Variants in MYCBP2 observed in about 807,000 individuals in gnomAD.
MYCBP2 encodes the protein E3 ubiquitin-protein ligase MYCBP2.
MYCBP2 carries 120 observed loss-of-function variants against 525.3 expected under a neutral mutation model. The observed-to-expected ratio is 0.23, with a 90% CI of 0.20 to 0.27. The LOEUF (loss-of-function observed/expected upper bound fraction) is 0.27, where lower values mean the gene tolerates loss of function less well. Among genes scored for constraint, MYCBP2 ranks in the 10% least tolerant of loss-of-function variants. MYCBP2 has a pLI of 1.00. For synonymous variants in MYCBP2, 1,894 were observed against 1,955.8 expected (o/e 0.97, Z 0.83); for missense variants, 4,149 against 5,657.1 (o/e 0.73, Z 8.55).
At position 77,139,261 on chromosome 13, in the gene MYCBP2, A is replaced by G; in HGVS notation, c.7594T>C (p.Tyr2532His). 1 of 1,613,958 alleles carries G rather than the reference A, an allele frequency of 6.2e-7. No homozygotes were observed. The highest frequency in any genetic ancestry group is 8.5e-7 in the Non-Finnish European group (1 of 1,179,850). ...AAAGAGAGGCACCAGGCTTCAGTGT[A>G]ACCATTCATGTTAGGGACATACTTC... is the stretch of plus-strand genomic sequence containing the variant. ...IKKYVPNMNG[Y>H]TEAWCLSFNQ... The change falls in exon 52 of 83, where the codon TAC becomes CAC. Residue 2532 changes from tyrosine to histidine, a missense_variant. By Grantham distance (83) the Tyr-to-His change is moderately conservative (BLOSUM62 2). This residue lies in a region of MYCBP2 where 692 missense variants were observed against 852.7 expected (regional missense o/e 0.81). Transcript: ENST00000544440.
At chr13:77,091,398 A>C (rs1428882973) in intron 59 of MYCBP2, among the ~76,000 whole-genome samples, 3 of 152,084 alleles carry the variant, frequency 2.0e-5, no homozygotes, top group African/African-American at 4.8e-5. Flanking sequence ...ACTTAAAAAA[A>C]ATTACACAAA....
chr13:77,325,414 C>T (rs2154385293), intron 1 of MYCBP2, among the ~76,000 whole-genome samples: 1 of 152,258 alleles, frequency 6.6e-6, no homozygotes, highest in Admixed American at 6.5e-5. Flanking sequence ...TGAAACAAGT[C>T]AGTCACCAAC....
At chr13:77,198,149 C>T (rs2061965175) in intron 26 of MYCBP2, among the ~76,000 whole-genome samples, 1 of 152,132 alleles carries the variant, frequency 6.6e-6, no homozygotes, top group Non-Finnish European at 1.5e-5. Context: ...CTAAAATAAC[C>T]ATTTTAAAGC....
At chr13:77,085,847 AG>A in intron 62 of MYCBP2, among the ~76,000 whole-genome samples, 1 of 152,194 alleles carries the variant, frequency 6.6e-6, no homozygotes, top group Non-Finnish European at 1.5e-5. Flanking sequence ...GCCAACCCAC[AG>A]ACTGTCAGCA....
rs558935826 is a variant in MYCBP2, at chr13:77,213,606, C to G, written c.3058-1446G>C. 2.6e-4 allele frequency among the ~76,000 whole-genome samples: 39 copies of G among 152,238 alleles called. No homozygotes were observed. In the South Asian group the frequency reaches 8.1e-3, roughly 32 times the overall value. On this transcript the variant is annotated intron_variant, in intron 21 of 82. Transcript: ENST00000544440. ...GAAATAAATATGTATTCCCTTACTA[C>G]CAACTAATATGAAGAAAAGCAGTCC...
intron 62 of MYCBP2, among the ~76,000 whole-genome samples, chr13:77,086,827 C>T (rs1397471734): frequency 6.6e-6 from 1 of 151,996 alleles, no homozygotes; most frequent in Non-Finnish European, 1.5e-5. Context: ...CACTGACATG[C>T]TATAAAATCT....
intron 65 of MYCBP2, among the ~76,000 whole-genome samples, chr13:77,079,179 A>G (rs1279689794): frequency 6.6e-6 from 1 of 152,148 alleles, no homozygotes; most frequent in Non-Finnish European, 1.5e-5. Context: ...TTCCTCATGA[A>G]GCCTTTCAAC....
chr13:77,191,752 C>G lies in MYCBP2; in HGVS notation c.3997G>C (p.Ala1333Pro). ...VLLQAGWWYV[A>P]WARVSGPSSD... ...CTGGGTCCTGACACTCGGGCCCATG[C>G]CACATACCACCACCCAGCTTGCAGG... Residue 1333 changes from alanine to proline, a missense_variant, in exon 28 of 83, where the codon GCA (alanine) becomes CCA (proline). Physicochemically the swap from Ala to Pro is conservative, Grantham distance 27 (BLOSUM62 -1). Transcript: ENST00000544440. 6.2e-7 allele frequency: 1 copy of G among 1,614,074 alleles called. No homozygotes were observed. Among genetic ancestry groups the G allele is most frequent in the Non-Finnish European group, 8.5e-7 (1 of 1,179,982 alleles).
At chr13:77,307,332 G>A (rs977252146) in intron 1 of MYCBP2, among the ~76,000 whole-genome samples, 2 of 151,700 alleles carry the variant, frequency 1.3e-5, no homozygotes, top group Non-Finnish European at 2.9e-5. Context: ...TCTAACCTTA[G>A]AGGCCTACTG....
intron 26 of MYCBP2, among the ~76,000 whole-genome samples, chr13:77,204,382 A>C (rs1401305877): frequency 7.0e-6 from 1 of 143,650 alleles, no homozygotes; most frequent in Admixed American, 6.9e-5. Context: ...GGCAATCATT[A>C]AAAAGTCAGG....
In MYCBP2 at chr13:77,059,706, AACTAGGTTTGTATAAGTTGCT is replaced by A; in HGVS notation, c.13037-101_13037-81del. 3.0e-6 allele frequency: 3 copies of A among 998,414 alleles called. No individual in the cohort carries two copies. The South Asian group carries it at 4.0e-5, about 13-fold the overall frequency. 61.8% of individuals were successfully genotyped at this position (998,414 alleles called of 1,614,324 possible). Reference sequence around the variant, plus strand: ...TAACAGAACTAAATTTTAAAAAGCAAACTAGGTTTGTATAAGTTGCTATCCTTGGGAAATCAGCCTGACAGT... The same window carrying A: ...TAACAGAACTAAATTTTAAAAAGCAAATCCTTGGGAAATCAGCCTGACAGT... On this transcript the variant is annotated intron_variant, in intron 76 of 82. Transcript: ENST00000544440.
chr13:77,139,264 C>T lies in MYCBP2; in HGVS notation c.7591G>A (p.Gly2531Ser). ...TIKKYVPNMNGYTEAWCLSFN... is the reference protein window; with the variant it reads ...TIKKYVPNMNSYTEAWCLSFN... ...GAGAGGCACCAGGCTTCAGTGTAAC[C>T]ATTCATGTTAGGGACATACTTCTTT... The change falls in exon 52 of 83, where the codon GGT (glycine) becomes AGT (serine). Residue 2531 changes from glycine (G) to serine (S), a missense_variant. Physicochemically the swap from Gly to Ser is moderately conservative, Grantham distance 56. Coordinates refer to ENST00000544440, the MANE Select transcript of MYCBP2 (RefSeq NM_015057.5). 1 of 1,613,874 alleles carries T rather than the reference C, an allele frequency of 6.2e-7. No homozygotes were observed. Among genetic ancestry groups the T allele is most frequent in the South Asian group, 1.1e-5 (1 of 91,042 alleles).
Position 77,181,781 on chromosome 13 carries a change from T to C in MYCBP2, c.4861A>G (p.Lys1621Glu). The change falls in exon 33 of 83, where the codon AAA becomes GAA. Residue 1621 changes from lysine (K) to glutamate (E), a missense_variant. Transcript: ENST00000544440. ...DGEVLLRSIV[K>E]QVSTENDSTL... ...GAGTCGTTCTCTGTACTAACTTGTT[T>C]AACAATTGATCGTAGTAATACTTCT... 6.2e-7 allele frequency: 1 copy of C among 1,614,148 alleles called. No homozygotes were observed. The highest frequency in any genetic ancestry group is 8.5e-7 in the Non-Finnish European group (1 of 1,179,996).
At chr13:77,264,505 A>T (rs1431896590) in intron 8 of MYCBP2, among the ~76,000 whole-genome samples, 1 of 152,142 alleles carries the variant, frequency 6.6e-6, no homozygotes, top group Non-Finnish European at 1.5e-5. Context: ...CCACTTAAAA[A>T]TTCAATGTTT....
At position 77,326,224 on chromosome 13, in the gene MYCBP2, C is replaced by T. The variant is rs1444690393; in HGVS notation, c.302+250G>A. Reference sequence around the variant, plus strand: ...TTCCCCTACCACCCCTCACTATCCCCCCACATAGGCAGGCAGACACACACA... The same window carrying T: ...TTCCCCTACCACCCCTCACTATCCCTCCACATAGGCAGGCAGACACACACA... On this transcript the variant is annotated intron_variant, in intron 1 of 82. Coordinates refer to ENST00000544440, the MANE Select transcript of MYCBP2 (RefSeq NM_015057.5). This position sits in a 1 kb window ranked among gnomAD's most constrained non-coding sequence, Gnocchi z 4.2. Among the ~76,000 whole-genome samples the T allele has an allele frequency of 3.4e-5, 5 of 148,870 alleles. No homozygotes were observed. Among genetic ancestry groups the T allele is most frequent in the Admixed American group, 1.4e-4 (2 of 14,792 alleles).
intron 18 of MYCBP2, among the ~76,000 whole-genome samples, chr13:77,232,222 A>C (rs1025291862): frequency 4.6e-5 from 7 of 152,166 alleles, no homozygotes; most frequent in Non-Finnish European, 1.0e-4. Flanking sequence ...CAGCAAAAAA[A>C]AGAAAAGGAT....
intron 1 of MYCBP2, among the ~76,000 whole-genome samples, chr13:77,306,986 T>A (rs773251955): frequency 6.6e-5 from 10 of 151,628 alleles, no homozygotes; most frequent in Non-Finnish European, 1.3e-4. Context: ...TGAAAAAAAA[T>A]CAAACTAGAC....
chr13:77,199,029 G>A (rs1273921540), intron 26 of MYCBP2, among the ~76,000 whole-genome samples: 3 of 152,084 alleles, frequency 2.0e-5, no homozygotes, highest in Non-Finnish European at 4.4e-5. Flanking sequence ...TACTGTAGGG[G>A]GGGAGGAGGC....
At chr13:77,148,445 T>A (rs1039241855) in intron 47 of MYCBP2, among the ~76,000 whole-genome samples, 7 of 152,074 alleles carry the variant, frequency 4.6e-5, no homozygotes, top group African/African-American at 1.7e-4. Context: ...AATGGCCTGT[T>A]CAGTTTTTTA....
Sources: allele counts gnomAD v4.1 joint callset (sites outside exome capture counted in the v4.1 genomes callset), GRCh38; gene constraint gnomAD v4.1.1; regional missense constraint gnomAD v4.1.1; non-coding constraint Gnocchi (gnomAD v3.1); transcripts MANE v1.5; gene names NCBI Gene and HGNC (gene_info 2026-07-23, HGNC 2026-07-21).